SLC39A6: variants seen among roughly 807,000 people sequenced by gnomAD.
The protein encoded by SLC39A6 is zinc transporter ZIP6.
A neutral mutation model predicts 63.5 loss-of-function variants in SLC39A6; 51 were observed. That is an observed-to-expected ratio of 0.80 (90% confidence interval 0.64 to 1.01). The LOEUF (loss-of-function observed/expected upper bound fraction) is 1.01, where lower values mean the gene tolerates loss of function less well. Among genes scored for constraint, SLC39A6 ranks in the 50% least tolerant of loss-of-function variants. The pLI, the probability that SLC39A6 is intolerant of heterozygous loss-of-function variation, is 0.00. For missense variants in SLC39A6, 805 were observed against 927.8 expected (o/e 0.87, Z 1.72); for synonymous variants, 318 against 324.7 (o/e 0.98, Z 0.22).
In SLC39A6 at chr18:36,126,944, G is replaced by T. The variant is rs1174541115; in HGVS notation, c.64C>A (p.His22Asn). ...TFALSVTNPLHELKAAAFPQT... is the reference protein window; with the variant it reads ...TFALSVTNPLNELKAAAFPQT... The stretch of plus-strand genomic sequence containing the variant: ...GGGAAAGCAGCTGCTTTTAGTTCAT[G>T]AAGGGGATTTGTGACAGAGAGGGCA... Residue 22 changes from histidine (H) to asparagine (N), a missense_variant, in exon 2 of 10, where the codon CAT becomes AAT. Around this residue, in one of 4 missense-constraint regions of SLC39A6, gnomAD observed 639 missense variants for 644.0 expected, o/e 0.99. Coordinates refer to ENST00000269187, the MANE Select transcript of SLC39A6 (RefSeq NM_012319.4). 1 of 1,614,086 alleles carries T rather than the reference G, an allele frequency of 6.2e-7. No individual in the cohort carries two copies. The highest frequency in any genetic ancestry group is 2.2e-5 in the East Asian group (1 of 44,894).
At chr18:36,116,617 G>A (rs544834638) in intron 6 of SLC39A6, 57 bp downstream of exon 6, 3 of 1,224,600 alleles carry the variant, frequency 2.4e-6, no homozygotes, top group African/African-American at 3.0e-5. Flanking sequence ...CAAGTTGCCT[G>A]CAAATCATAC....
intron 2 of SLC39A6, among the ~76,000 whole-genome samples, chr18:36,125,524 TAC>T (rs1305419878): frequency 6.6e-6 from 1 of 152,102 alleles, no homozygotes; most frequent in Non-Finnish European, 1.5e-5. Context: ...CCAGAATTAG[TAC>T]AGTCACATGC....
rs1355210987 is a variant in SLC39A6, at chr18:36,109,185, A to G, written c.*408T>C. The G allele has an allele frequency of 2.0e-5, 3 of 152,578 alleles. No homozygotes were observed. Among genetic ancestry groups the G allele is most frequent in the Admixed American group, 1.3e-4 (2 of 15,280 alleles). 9.5% of individuals were successfully genotyped at this position (152,578 alleles called of 1,614,324 possible). A position where few individuals can be genotyped will look rare whatever the true frequency, so the allele number is the denominator to read the frequency against. On this transcript the variant is annotated 3_prime_UTR_variant, in exon 10 of 10. Coordinates refer to ENST00000269187, the MANE Select transcript of SLC39A6 (RefSeq NM_012319.4). ...CTCCTTTATTTCTTTGCTTAAATTCAGTATAAGCTTTCTTGGTATTTTAGG... is the reference window on the plus strand; with the variant it reads ...CTCCTTTATTTCTTTGCTTAAATTCGGTATAAGCTTTCTTGGTATTTTAGG...
In SLC39A6 at chr18:36,122,212, C is replaced by T. The variant is rs1197407694; in HGVS notation, c.1199G>A (p.Arg400Lys). The T allele has an allele frequency of 1.9e-6, 3 of 1,614,100 alleles. No homozygotes were observed. Reference protein sequence around the residue: ...SHEEPAMEMKRGPLFSHLSSQ... With the variant: ...SHEEPAMEMKKGPLFSHLSSQ... ...AGACAGATGACTGAAAAGTGGTCCT[C>T]TTTTCATTTCCATTGCTGGTTCTTC... is the stretch of plus-strand genomic sequence containing the variant. The change falls in exon 5 of 10, where the codon AGA (arginine) becomes AAA (lysine). Residue 400 changes from arginine (R) to lysine (K), a missense_variant. By Grantham distance (26) the Arg-to-Lys change is conservative. Transcript: ENST00000269187.
rs1229930515 is a variant in SLC39A6, at chr18:36,112,717, T to C, written c.1844-136A>G. The C allele has an allele frequency of 2.2e-5, 14 of 646,758 alleles. No individual in the cohort carries two copies. The South Asian group carries it at 2.6e-4, about 12-fold the overall frequency. The allele number at this position is 646,758 out of a possible 1,614,324, so 40.1% of individuals were successfully genotyped here. A position where few individuals can be genotyped will look rare whatever the true frequency, so the allele number is the denominator to read the frequency against. ...AGAAGTTTCCCAAACCAACTCTGTA[T>C]CTTCTTTGTAAGAAATCTTAGAGTA... On this transcript the variant is annotated intron_variant, in intron 7 of 9. Coordinates refer to ENST00000269187, the MANE Select transcript of SLC39A6 (RefSeq NM_012319.4).
rs756017424 is a variant in SLC39A6 at position 36,123,671 on chromosome 18, A to C, written c.971-7T>G. 1.3e-6 allele frequency: 2 copies of C among 1,586,252 alleles called. No homozygotes were observed. The highest frequency in any genetic ancestry group is 1.7e-6 in the Non-Finnish European group (2 of 1,172,274). On this transcript the variant is annotated splice_polypyrimidine_tract_variant and splice_region_variant and intron_variant, in intron 3 of 9. Coordinates refer to ENST00000269187, the MANE Select transcript of SLC39A6 (RefSeq NM_012319.4). The stretch of plus-strand genomic sequence containing the variant: ...ATAAAACCACCAACCCAGGCTGTCA[A>C]ACAAAACAAAACAGAGCAAAGAAAA...
At chr18:36,120,783 G>A (rs578207296) in intron 5 of SLC39A6, among the ~76,000 whole-genome samples, 14 of 152,206 alleles carry the variant, frequency 9.2e-5, no homozygotes, top group African/African-American at 3.1e-4. Flanking sequence ...GTGAGCCACC[G>A]TGCCTGGTAG....
rs1229941616 is a variant in SLC39A6, at chr18:36,109,532, C to G, written c.*61G>C. 1.5e-6 allele frequency: 2 copies of G among 1,350,830 alleles called. No individual in the cohort carries two copies. Among genetic ancestry groups the G allele is most frequent in the African/African-American group, 2.9e-5 (2 of 68,406 alleles). The allele number at this position is 1,350,830 out of a possible 1,614,324, so 83.7% of individuals were successfully genotyped here. A position where few individuals can be genotyped will look rare whatever the true frequency, so the allele number is the denominator to read the frequency against. On this transcript the variant is annotated 3_prime_UTR_variant, in exon 10 of 10. Coordinates refer to ENST00000269187, the MANE Select transcript of SLC39A6 (RefSeq NM_012319.4). ...TGCATAGTACAGCATACAAACTCAT[C>G]TCCCTATGACCTACTGAAACTATGA...
Position 36,122,268 on chromosome 18 carries a change from A to T in SLC39A6, c.1143T>A (p.Ser381=), listed in dbSNP as rs547563875. 155 of 1,601,364 alleles carry T rather than the reference A, an allele frequency of 9.7e-5. No individual in the cohort carries two copies. Among genetic ancestry groups the T allele is most frequent in the Non-Finnish European group, 1.3e-4 (148 of 1,172,924 alleles). ...TATGACTATGGTGGTGACTTGCATG[A>T]GACTGAAGGCAAAATAATTTGTTAT... ...GDAFLHLLPH[S]HASHHHSHSH... The change falls in exon 5 of 10, where the codon TCT becomes TCA. Residue 381 remains serine, a splice_region_variant and synonymous_variant. Coordinates refer to ENST00000269187, the MANE Select transcript of SLC39A6 (RefSeq NM_012319.4).
rs763286833 is a variant in SLC39A6 at position 36,116,745 on chromosome 18, T to G, written c.1394A>C (p.Glu465Ala). Residue 465 changes from glutamate to alanine, a missense_variant, in exon 6 of 10, where the codon GAG becomes GCG. This residue lies in a region of SLC39A6 where 639 missense variants were observed against 644.0 expected (regional missense o/e 0.99). Coordinates refer to ENST00000269187, the MANE Select transcript of SLC39A6 (RefSeq NM_012319.4). ...ATACTTGGACAACTGCTTCTTAATC[T>G]CCACATCATCATCATTTTCAGGTTT... ...QKKPENDDDV[E>A]IKKQLSKYES... 6.2e-7 allele frequency: 1 copy of G among 1,612,850 alleles called. No individual in the cohort carries two copies. Among genetic ancestry groups the G allele is most frequent in the Non-Finnish European group, 8.5e-7 (1 of 1,179,226 alleles).
chr18:36,121,747 C>T (rs536809109), intron 5 of SLC39A6, among the ~76,000 whole-genome samples: 4 of 152,244 alleles, frequency 2.6e-5, no homozygotes, highest in Admixed American at 6.5e-5. Flanking sequence ...CATGTATACA[C>T]GATGCTTCTG....
rs375524426 is a variant in SLC39A6, at chr18:36,114,161, G to A, written c.1779C>T (p.Ala593=). The A allele has an allele frequency of 6.2e-7, 1 of 1,614,136 alleles. No individual in the cohort carries two copies. The highest frequency in any genetic ancestry group is 8.5e-7 in the Non-Finnish European group (1 of 1,180,006). The change falls in exon 7 of 10, where the codon GCC becomes GCT. Residue 593 remains alanine, a synonymous_variant. Transcript: ENST00000269187. ...SREELKDAGV[A]TLAWMVIMGD... ...CCATTATCACCATCCAGGCCAGAGT[G>A]GCGACGCCGGCATCTTTCAGCTCCT...
At chr18:36,116,922 T>G in intron 5 of SLC39A6, 143 bp from the exon 6 acceptor site, 1 of 610,100 alleles carries the variant, frequency 1.6e-6, no homozygotes, top group South Asian at 2.0e-5. Flanking sequence ...AGCAGCACAC[T>G]ATCTCCTGGG....
At chr18:36,114,064 CAA>C in intron 7 of SLC39A6, 31 bp downstream of exon 7, 3 of 1,527,044 alleles carry the variant, frequency 2.0e-6, no homozygotes, top group Non-Finnish European at 2.6e-6. Flanking sequence ...TTTTCAGAAT[CAA>C]TCAACAAGGA....
At chr18:36,122,437 G>C (rs2089402303) in intron 4 of SLC39A6, among the ~76,000 whole-genome samples, 167 bp from the exon 5 acceptor site, 1 of 152,176 alleles carries the variant, frequency 6.6e-6, no homozygotes, top group South Asian at 2.1e-4. Context: ...CCAATGAGCA[G>C]CTAGCTATCT....
Position 36,126,957 on chromosome 18 carries a change from G to C in SLC39A6, c.51C>G (p.Val17=), listed in dbSNP as rs2089444924. 1.2e-6 allele frequency: 2 copies of C among 1,614,028 alleles called. No homozygotes were observed. Among genetic ancestry groups the C allele is most frequent in the Non-Finnish European group, 1.7e-6 (2 of 1,180,028 alleles). ...VILILTFALS[V]TNPLHELKAA... is the part of the protein sequence containing the mutation. The stretch of plus-strand genomic sequence containing the variant: ...CTTTTAGTTCATGAAGGGGATTTGT[G>C]ACAGAGAGGGCAAAGGTCAGGATCA... The change falls in exon 2 of 10, where the codon GTC becomes GTG. Residue 17 remains valine (V), a synonymous_variant. Transcript: ENST00000269187.
intron 1 of SLC39A6, among the ~76,000 whole-genome samples, chr18:36,128,540 G>C (rs2089471820): frequency 6.6e-6 from 1 of 152,238 alleles, no homozygotes; most frequent in African/African-American, 2.4e-5. Context: ...AATCTTTGGG[G>C]CTTGAAGTTT....
chr18:36,113,814 C>T (rs1598705787), intron 7 of SLC39A6, among the ~76,000 whole-genome samples: 1 of 151,918 alleles, frequency 6.6e-6, no homozygotes, highest in Admixed American at 6.6e-5. Context: ...ATACATGCAC[C>T]ATACAAATTA....
intron 6 of SLC39A6, 53 bp downstream of exon 6, chr18:36,116,621 A>T (rs2089347290): frequency 7.9e-7 from 1 of 1,266,492 alleles, no homozygotes; most frequent in African/African-American, 1.5e-5. Context: ...TTGCCTGCAA[A>T]TCATACAGCA....
Sources: allele counts gnomAD v4.1 joint callset (sites outside exome capture counted in the v4.1 genomes callset), GRCh38; gene constraint gnomAD v4.1.1; regional missense constraint gnomAD v4.1.1; transcripts MANE v1.5; gene names NCBI Gene and HGNC (gene_info 2026-07-23, HGNC 2026-07-21).